ANKS1B: variants seen among roughly 807,000 people sequenced by gnomAD.
ANKS1B encodes the protein ankyrin repeat and sterile alpha motif domain-containing protein 1B.
ANKS1B carries 36 observed loss-of-function variants against 148.3 expected under a neutral mutation model. That is an observed-to-expected ratio of 0.24 (90% CI 0.19 to 0.32). The LOEUF (loss-of-function observed/expected upper bound fraction) is 0.32, where lower values mean the gene tolerates loss of function less well. ANKS1B is among the 10% of genes least tolerant of loss of function. The pLI, the probability that ANKS1B is intolerant of heterozygous loss-of-function variation, is 1.00. For synonymous variants in ANKS1B, 542 were observed against 560.8 expected (o/e 0.97, Z 0.47); for missense variants, 1,157 against 1,542.6 (o/e 0.75, Z 4.19).
At chr12:99,264,243 A>G (rs1374272994) in intron 12 of ANKS1B, among the ~76,000 whole-genome samples, 2 of 152,112 alleles carry the variant, frequency 1.3e-5, no homozygotes, top group Admixed American at 6.6e-5. Context: ...TCTTTTATTG[A>G]TGCTTTACTT....
At chr12:99,316,679 T>A (rs529056880) in intron 12 of ANKS1B, among the ~76,000 whole-genome samples, 1 of 152,328 alleles carries the variant, frequency 6.6e-6, no homozygotes, top group East Asian at 1.9e-4. Context: ...TTTAATTAGA[T>A]CCCATTTGTC....
chr12:98,968,285 G>C (rs367887601), intron 17 of ANKS1B, among the ~76,000 whole-genome samples: 8 of 152,232 alleles, frequency 5.3e-5, no homozygotes, highest in Admixed American at 2.0e-4. Context: ...TCGCAGACCA[G>C]CACACGTGGG....
At chr12:99,331,500 G>A (rs2087551198) in intron 12 of ANKS1B, among the ~76,000 whole-genome samples, 1 of 151,874 alleles carries the variant, frequency 6.6e-6, no homozygotes, top group Non-Finnish European at 1.5e-5. Flanking sequence ...ATGAACGCTG[G>A]AGTTCTCCTA....
Position 99,818,418 on chromosome 12 carries a change from C to T in ANKS1B, c.216-6107G>A, listed in dbSNP as rs184552971. Among the ~76,000 whole-genome samples the T allele has an allele frequency of 3.0e-3, 450 of 151,834 alleles. 2 individuals are homozygous for T. Among genetic ancestry groups the T allele is most frequent in the Middle Eastern group, 6.8e-3 (2 of 294 alleles). On this transcript the variant is annotated intron_variant, in intron 2 of 26. Transcript: ENST00000683438. The stretch of plus-strand genomic sequence containing the variant: ...CATTTACTAATGTAACCAAATATCA[C>T]CTGGACCACAATAACTTATTGAAAA...
intron 9 of ANKS1B, among the ~76,000 whole-genome samples, chr12:99,630,563 G>A (rs556618523): frequency 2.0e-5 from 3 of 152,292 alleles, no homozygotes; most frequent in East Asian, 3.9e-4. Context: ...CTCTGTAACT[G>A]AGTTTTCTCA....
At chr12:99,726,618 C>G (rs78246453) in intron 8 of ANKS1B, among the ~76,000 whole-genome samples, 3,808 of 152,154 alleles carry the variant, frequency 0.025, 155 homozygotes, top group African/African-American at 0.087. Context: ...AAAGCAGGTA[C>G]TCTTCCCTAA....
intron 12 of ANKS1B, among the ~76,000 whole-genome samples, chr12:99,386,006 C>A (rs187784603): frequency 3.6e-4 from 55 of 152,274 alleles, no homozygotes; most frequent in Admixed American, 7.8e-4. Flanking sequence ...AGAAGGAAAT[C>A]TGAAATCTAT....
At chr12:99,089,989 G>A (rs2053483712) in intron 15 of ANKS1B, among the ~76,000 whole-genome samples, 1 of 152,152 alleles carries the variant, frequency 6.6e-6, no homozygotes, top group Non-Finnish European at 1.5e-5. Context: ...CTAATGCAGG[G>A]TGTCTTTATT....
chr12:98,960,281 C>CACAGAG (rs143021937), intron 17 of ANKS1B, among the ~76,000 whole-genome samples: 1 of 150,018 alleles, frequency 6.7e-6, no homozygotes, highest in African/African-American at 2.4e-5. Flanking sequence ...CAGCTCAGCA[C>CACAGAG]AGAGAGAGAG....
intron 17 of ANKS1B, among the ~76,000 whole-genome samples, chr12:98,959,848 C>G (rs1217624195): frequency 6.6e-6 from 1 of 152,198 alleles, no homozygotes; most frequent in Non-Finnish European, 1.5e-5. Context: ...CCAGGAAGTA[C>G]TCACCATGGA....
intron 1 of ANKS1B, among the ~76,000 whole-genome samples, chr12:99,866,181 T>A (rs2090730785): frequency 6.6e-6 from 1 of 152,174 alleles, no homozygotes; most frequent in Admixed American, 6.5e-5. Context: ...TTAACTAGAC[T>A]TGGTTCCTAT....
intron 12 of ANKS1B, among the ~76,000 whole-genome samples, chr12:99,294,416 G>C (rs1445855213): frequency 6.6e-6 from 1 of 152,136 alleles, no homozygotes; most frequent in African/African-American, 2.4e-5. Context: ...AGTGAAATAA[G>C]CCAGGTACAG....
chr12:99,593,562 A>T, intron 9 of ANKS1B, among the ~76,000 whole-genome samples: 1 of 152,152 alleles, frequency 6.6e-6, no homozygotes, highest in East Asian at 1.9e-4. Flanking sequence ...TCATCCGAAT[A>T]CTGGATATCA....
chr12:98,917,565 T>A (rs1431326870), intron 17 of ANKS1B, among the ~76,000 whole-genome samples: 1 of 152,232 alleles, frequency 6.6e-6, no homozygotes, highest in Admixed American at 6.5e-5. Context: ...ATACGAAGCG[T>A]AAGACCACAA....
chr12:99,724,909 C>T (rs2058465528), intron 8 of ANKS1B, among the ~76,000 whole-genome samples: 1 of 152,142 alleles, frequency 6.6e-6, no homozygotes, highest in African/African-American at 2.4e-5. Flanking sequence ...CCAAACTAAG[C>T]TTCATAAGCA....
intron 25 of ANKS1B, among the ~76,000 whole-genome samples, chr12:98,771,032 T>C (rs1358429851): frequency 6.6e-6 from 1 of 152,248 alleles, no homozygotes; most frequent in African/African-American, 2.4e-5. Flanking sequence ...TGAGGGCATA[T>C]CAATCTTAAA....
At chr12:99,738,035 A>G (rs1444071041) in intron 8 of ANKS1B, among the ~76,000 whole-genome samples, 1 of 152,180 alleles carries the variant, frequency 6.6e-6, no homozygotes, top group Non-Finnish European at 1.5e-5. Context: ...GCTAGAACAC[A>G]TATCTATTAA....
At chr12:98,939,268 T>C (rs190500273) in intron 17 of ANKS1B, among the ~76,000 whole-genome samples, 13 of 152,364 alleles carry the variant, frequency 8.5e-5, no homozygotes, top group African/African-American at 1.2e-4. Flanking sequence ...TAAGCATTGT[T>C]AATTTGCATC....
rs560815166 is a variant in ANKS1B, at chr12:99,451,558, G to C, written c.1439-7749C>G. ...GGAAGCAGGTTGAGCAAAATGTAGA[G>C]AGATGGGAAAGAGGCACATTTGTGG... On this transcript the variant is annotated intron_variant, in intron 10 of 26. Transcript: ENST00000683438. Among the ~76,000 whole-genome samples, 4 of 152,298 alleles carry C rather than the reference G, an allele frequency of 2.6e-5. No individual in the cohort carries two copies. The South Asian group carries it at 8.3e-4, about 32-fold the overall frequency.
Sources: gnomAD v4.1 joint callset for allele counts (sites outside exome capture counted in the v4.1 genomes callset) on GRCh38, gnomAD v4.1.1 for gene constraint, MANE v1.5 for transcripts, NCBI Gene and HGNC (gene_info 2026-07-23, HGNC 2026-07-21) for gene names.